The following TRIP12 variants were observed in gnomAD, a reference collection of about 807,000 sequenced individuals.
TRIP12 encodes thyroid hormone receptor interactor 12.
TRIP12 carries 25 observed loss-of-function variants against 244.2 expected under a neutral mutation model. That is an observed-to-expected ratio of 0.10 (90% CI 0.07 to 0.14). The LOEUF (loss-of-function observed/expected upper bound fraction) is 0.14. TRIP12 is among the 10% of genes least tolerant of loss of function. TRIP12 has a pLI of 1.00. For synonymous variants in TRIP12, 905 were observed against 873.1 expected (o/e 1.04, Z -0.64); for missense variants, 1,677 against 2,486.4 (o/e 0.67, Z 6.92).
chr2:229,890,323 G>GCCTGCCTCGGCCTCCATCCA (rs962595768), intron 1 of TRIP12, among the ~76,000 whole-genome samples: 4 of 151,952 alleles, frequency 2.6e-5, no homozygotes, highest in Non-Finnish European at 5.9e-5. Context: ...CAGGTGATCC[G>GCCTGCCTCGGCCTCCATCCA]CCTGCCTCGG....
intron 4 of TRIP12, among the ~76,000 whole-genome samples, chr2:229,856,039 C>G (rs1329608813): frequency 3.0e-5 from 4 of 133,680 alleles, no homozygotes; most frequent in Admixed American, 1.5e-4. Context: ...GACTCTGTCT[C>G]AGAAAAAAAA....
rs1165721941 is a variant in TRIP12, at chr2:229,767,003, G to A, written c.*551C>T. 1 of 152,002 alleles carries A rather than the reference G, an allele frequency of 6.6e-6. No homozygotes were observed. Among genetic ancestry groups the A allele is most frequent in the African/African-American group, 2.4e-5 (1 of 41,374 alleles). The allele number at this position is 152,002 out of a possible 1,614,324, so 9.4% of individuals were successfully genotyped here. A position where few individuals can be genotyped will look rare whatever the true frequency, so the allele number is the denominator to read the frequency against. On this transcript the variant is annotated 3_prime_UTR_variant, in exon 42 of 42. Coordinates refer to ENST00000675903, the MANE Select transcript of TRIP12 (RefSeq NM_001348323.3). Reference sequence around the variant, plus strand: ...GGTAACGAAAATTTGAGAACTGTGAGTTGTATACAAAAAAAAAACTGTGAG... The same window carrying A: ...GGTAACGAAAATTTGAGAACTGTGAATTGTATACAAAAAAAAAACTGTGAG...
Position 229,840,646 on chromosome 2 carries a change from G to A in TRIP12, c.1133+176C>T, listed in dbSNP as rs181560670. ...GAACCCGGGAGGCGCAGGTTGCAGT[G>A]AGCCAAGATCGCGCCACTGCACTCC... On this transcript the variant is annotated intron_variant, in intron 5 of 41. Transcript: ENST00000675903. Among the ~76,000 whole-genome samples, 455 of 152,224 alleles carry A rather than the reference G, an allele frequency of 3.0e-3. 2 individuals are homozygous for A. Among genetic ancestry groups the A allele is most frequent in the African/African-American group, 0.011 (446 of 41,518 alleles).
chr2:229,849,219 A>AT (rs1217646493), intron 4 of TRIP12, among the ~76,000 whole-genome samples: 1 of 152,244 alleles, frequency 6.6e-6, no homozygotes, highest in Admixed American at 6.5e-5. Flanking sequence ...ACAAAAAGGA[A>AT]TTTAAAATTC....
rs545695058 is a variant in TRIP12, at chr2:229,779,436, C to T, written c.5095-446G>A. On this transcript the variant is annotated intron_variant, in intron 34 of 41. Coordinates refer to ENST00000675903, the MANE Select transcript of TRIP12 (RefSeq NM_001348323.3). Reference sequence around the variant, plus strand: ...TCCTTTTTTCTTGGGGCTTATTTTTCAGCTACTTAAATACTTACTACATGA... The same window carrying T: ...TCCTTTTTTCTTGGGGCTTATTTTTTAGCTACTTAAATACTTACTACATGA... Among the ~76,000 whole-genome samples the T allele has an allele frequency of 7.9e-5, 12 of 152,322 alleles. No homozygotes were observed. In the East Asian group the frequency reaches 2.3e-3, roughly 29 times the overall value.
At chr2:229,800,408 G>GA (rs2043972511) in intron 21 of TRIP12, among the ~76,000 whole-genome samples, 1 of 152,016 alleles carries the variant, frequency 6.6e-6, no homozygotes, top group African/African-American at 2.4e-5. Context: ...TGAAAAGGCT[G>GA]AAAAATGTTG....
chr2:229,795,424 G>A (rs4525685), intron 25 of TRIP12, 94 bp from the exon 26 acceptor site: 2 of 1,387,682 alleles, frequency 1.4e-6, no homozygotes, highest in South Asian at 1.5e-5. Flanking sequence ...TTATAAAAGA[G>A]AATAATTTGT....
At position 229,808,269 on chromosome 2, in the gene TRIP12, T is replaced by C. The variant is rs2046380499; in HGVS notation, c.2322A>G (p.Glu774=). 6.2e-7 allele frequency: 1 copy of C among 1,612,082 alleles called. No homozygotes were observed. Among genetic ancestry groups the C allele is most frequent in the South Asian group, 1.1e-5 (1 of 91,058 alleles). ...ATCTTTACCAAATCAGAGATGTCAGTTCATACAACTCTTGAGGGCTTCGTG... is the reference window on the plus strand; with the variant it reads ...ATCTTTACCAAATCAGAGATGTCAGCTCATACAACTCTTGAGGGCTTCGTG... ...LVPRSPQELY[E]LTSLICELMP... Residue 774 remains glutamate (E), a synonymous_variant, in exon 16 of 42, where the codon GAA becomes GAG. Coordinates refer to ENST00000675903, the MANE Select transcript of TRIP12 (RefSeq NM_001348323.3).
intron 34 of TRIP12, among the ~76,000 whole-genome samples, chr2:229,783,588 G>C (rs2039000833): frequency 6.6e-6 from 1 of 152,072 alleles, no homozygotes; most frequent in South Asian, 2.1e-4. Flanking sequence ...ATATGTGCAA[G>C]AAAGACCTCT....
At chr2:229,893,700 T>A (rs1220493435) in intron 1 of TRIP12, among the ~76,000 whole-genome samples, 1 of 152,220 alleles carries the variant, frequency 6.6e-6, no homozygotes, top group Non-Finnish European at 1.5e-5. Flanking sequence ...CCCATTTTTC[T>A]GTTGATGGAC....
At chr2:229,813,242 C>G (rs115218354) in intron 13 of TRIP12, among the ~76,000 whole-genome samples, 2,929 of 152,310 alleles carry the variant, frequency 0.019, 45 homozygotes, top group Non-Finnish European at 0.031. Flanking sequence ...AAAGAGTAAT[C>G]TTTTCAGAAG....
At chr2:229,872,909 C>G (rs2062938568) in intron 2 of TRIP12, among the ~76,000 whole-genome samples, 1 of 152,100 alleles carries the variant, frequency 6.6e-6, no homozygotes, top group Admixed American at 6.5e-5. Flanking sequence ...TCCAAGCCAG[C>G]CTTTAAGGAA....
At position 229,791,204 on chromosome 2, in the gene TRIP12, C is replaced by A. The variant is rs759895324; in HGVS notation, c.4463G>T (p.Gly1488Val). 6.2e-7 allele frequency: 1 copy of A among 1,614,088 alleles called. No homozygotes were observed. Among genetic ancestry groups the A allele is most frequent in the Non-Finnish European group, 8.5e-7 (1 of 1,179,978 alleles). Residue 1488 changes from glycine (G) to valine (V), a missense_variant, in exon 30 of 42, where the codon GGT becomes GTT. This residue lies in a region of TRIP12 where 265 missense variants were observed against 370.8 expected (regional missense o/e 0.71). Coordinates refer to ENST00000675903, the MANE Select transcript of TRIP12 (RefSeq NM_001348323.3). ...TGTTTGGGCTCTTCCTCTTTTACCA[C>A]CAACACAATCTTTATTACTTTCTTC... ...EDEESNKDCV[G>V]GKRGRAQTAP...
At chr2:229,905,182 G>A (rs953194125) in intron 1 of TRIP12, among the ~76,000 whole-genome samples, 1 of 151,814 alleles carries the variant, frequency 6.6e-6, no homozygotes, top group Non-Finnish European at 1.5e-5. Flanking sequence ...GGTGAGGCAG[G>A]AGAATCGCCT....
chr2:229,911,773 C>T (rs143980513), intron 1 of TRIP12, among the ~76,000 whole-genome samples: 8 of 151,546 alleles, frequency 5.3e-5, no homozygotes, highest in African/African-American at 1.9e-4. Context: ...GAGTGCAAAG[C>T]GAATATTTTA....
chr2:229,869,576 G>A (rs1576382238), intron 2 of TRIP12, among the ~76,000 whole-genome samples: 1 of 152,074 alleles, frequency 6.6e-6, no homozygotes. Flanking sequence ...TGCTTTCTGG[G>A]TTCTTTCCCT....
At chr2:229,768,102 C>A (rs1281858043) in intron 41 of TRIP12, among the ~76,000 whole-genome samples, 3 of 152,052 alleles carry the variant, frequency 2.0e-5, no homozygotes, top group Admixed American at 1.3e-4. Flanking sequence ...TACAAAAATA[C>A]AAAAATTAGC....
intron 1 of TRIP12, among the ~76,000 whole-genome samples, chr2:229,919,835 T>A (rs567139834): frequency 1.2e-4 from 19 of 152,176 alleles, no homozygotes. Context: ...TATGTACTCT[T>A]AAGCTTAAAA....
chr2:229,782,810 A>C (rs2038692727), intron 34 of TRIP12, among the ~76,000 whole-genome samples: 1 of 152,036 alleles, frequency 6.6e-6, no homozygotes, highest in Non-Finnish European at 1.5e-5. Flanking sequence ...CAGTTCATGA[A>C]CTCAGTCACA....
Sources: gnomAD v4.1 joint callset for allele counts (sites outside exome capture counted in the v4.1 genomes callset) on GRCh38, gnomAD v4.1.1 for gene constraint, gnomAD v4.1.1 regional missense constraint, MANE v1.5 for transcripts, NCBI Gene and HGNC (gene_info 2026-07-23, HGNC 2026-07-21) for gene names.